The following COL28A1 variants were observed in gnomAD, a reference collection of about 807,000 sequenced individuals.
COL28A1 encodes collagen type XXVIII alpha 1 chain.
In COL28A1, 161 loss-of-function variants were observed where a neutral mutation model predicts 150.2. The ratio of observed to expected loss-of-function variants is 1.07; its 90% CI spans 0.94 to 1.22. COL28A1 has a LOEUF of 1.22. Ranked by LOEUF, COL28A1 falls within the 50% of genes most tolerant of loss-of-function variation. COL28A1 has a pLI of 0.00. For synonymous variants in COL28A1, 552 were observed against 469.7 expected (o/e 1.18, Z -2.26); for missense variants, 1,617 against 1,388.3 (o/e 1.16, Z -2.62).
At chr7:7,471,242 C>T (rs1401287376) in intron 15 of COL28A1, among the ~76,000 whole-genome samples, 3 of 150,582 alleles carry the variant, frequency 2.0e-5, no homozygotes, top group African/African-American at 7.3e-5. Context: ...TTTAAAATTA[C>T]CAACAAAAAA....
At chr7:7,497,282 A>C (rs1780271808) in intron 11 of COL28A1, among the ~76,000 whole-genome samples, 1 of 152,238 alleles carries the variant, frequency 6.6e-6, no homozygotes, top group African/African-American at 2.4e-5. Context: ...TAAAGTTGTC[A>C]AAATGCTTAA....
At chr7:7,542,240 C>T in the COL28A1 span, among the ~76,000 whole-genome samples, 5 of 152,108 alleles carry the variant, frequency 3.3e-5, no homozygotes, top group Non-Finnish European at 7.4e-5. Flanking sequence ...CCCAGCCACT[C>T]AGGAGGCTGA....
intron 15 of COL28A1, among the ~76,000 whole-genome samples, chr7:7,467,969 G>C (rs1273971671): frequency 1.7e-5 from 2 of 118,772 alleles, no homozygotes; most frequent in Non-Finnish European, 3.4e-5. Context: ...TGTGTAGAGG[G>C]AAATTTATAG....
At chr7:7,456,168 T>C (rs1787153454) in intron 15 of COL28A1, 56 bp from the exon 16 acceptor site, 2 of 1,575,084 alleles carry the variant, frequency 1.3e-6, no homozygotes, top group Non-Finnish European at 1.7e-6. Context: ...TATTATTTCA[T>C]ACTTTGCTAA....
At chr7:7,348,191 G>A in the COL28A1 span, among the ~76,000 whole-genome samples, 2 of 152,026 alleles carry the variant, frequency 1.3e-5, no homozygotes, top group East Asian at 1.9e-4. Context: ...TAACTAAGAC[G>A]AGGACAATGA....
intron 15 of COL28A1, among the ~76,000 whole-genome samples, chr7:7,466,299 G>C (rs963404752): frequency 7.0e-6 from 1 of 143,878 alleles, no homozygotes; most frequent in African/African-American, 2.6e-5. Flanking sequence ...CGAGAACTAC[G>C]TGAAGAATGC....
intron 27 of COL28A1, among the ~76,000 whole-genome samples, chr7:7,398,243 A>G (rs181408518): frequency 5.2e-4 from 79 of 152,334 alleles, no homozygotes; most frequent in African/African-American, 1.9e-3. Context: ...AACAAATAAT[A>G]AATATCCAAA....
chr7:7,543,640 T>G, the COL28A1 span, among the ~76,000 whole-genome samples: 1 of 152,110 alleles, frequency 6.6e-6, no homozygotes, highest in Non-Finnish European at 1.5e-5. Context: ...AGGATTTCCA[T>G]CATATAGTTG....
At chr7:7,481,089 T>G (rs1443565347) in intron 13 of COL28A1, among the ~76,000 whole-genome samples, 1 of 152,342 alleles carries the variant, frequency 6.6e-6, no homozygotes, top group East Asian at 1.9e-4. Flanking sequence ...TTTTTACAAA[T>G]AAAAGCAGTC....
intron 17 of COL28A1, among the ~76,000 whole-genome samples, chr7:7,452,877 T>C (rs1413818947): frequency 1.3e-5 from 2 of 152,220 alleles, no homozygotes; most frequent in Non-Finnish European, 1.5e-5. Context: ...CTAAGGTGAA[T>C]AGTCTCAGAG....
chr7:7,463,890 C>G (rs1286618460), intron 15 of COL28A1, among the ~76,000 whole-genome samples: 1 of 152,030 alleles, frequency 6.6e-6, no homozygotes, highest in Non-Finnish European at 1.5e-5. Context: ...AAGAATTCAC[C>G]AACCAATCTG....
chr7:7,490,768 G>A (rs183340549), intron 11 of COL28A1, 122 bp from the exon 12 acceptor site: 14 of 496,482 alleles, frequency 2.8e-5, no homozygotes, highest in Non-Finnish European at 4.6e-5. Context: ...CCTGTACATC[G>A]TGCCTGCCCT....
At chr7:7,383,279 TGTGTGTGTG>T (rs1562512217) in intron 27 of COL28A1, among the ~76,000 whole-genome samples, 7 of 141,376 alleles carry the variant, frequency 5.0e-5, no homozygotes, top group African/African-American at 8.5e-5. Flanking sequence ...TGTGTGTGTG[TGTGTGTGTG>T]TTTTTTTTGA....
chr7:7,364,250 T>C (rs138887958), intron 33 of COL28A1, among the ~76,000 whole-genome samples: 4 of 152,200 alleles, frequency 2.6e-5, no homozygotes, highest in Admixed American at 2.6e-4. Context: ...TATGCCACTT[T>C]GGCACATTGA....
intron 27 of COL28A1, 135 bp from the exon 28 acceptor site, chr7:7,381,747 A>G (rs1781885900): frequency 5.5e-6 from 3 of 549,440 alleles, no homozygotes; most frequent in Non-Finnish European, 9.6e-6. Flanking sequence ...ATATATATAT[A>G]TGTATATAAA....
chr7:7,525,465 G>C (rs758379768), intron 3 of COL28A1, among the ~76,000 whole-genome samples: 16 of 152,184 alleles, frequency 1.1e-4, no homozygotes, highest in Non-Finnish European at 2.2e-4. Context: ...TATAGAATTA[G>C]TACTTTCTTA....
intron 25 of COL28A1, among the ~76,000 whole-genome samples, chr7:7,425,071 T>C (rs535252971): frequency 6.6e-6 from 1 of 151,760 alleles, no homozygotes; most frequent in Non-Finnish European, 1.5e-5. Flanking sequence ...AAAACTATTA[T>C]AATAAATAAT....
chr7:7,502,083 C>T (rs111233915), intron 11 of COL28A1, among the ~76,000 whole-genome samples: 37,842 of 151,942 alleles, frequency 0.25, 4,833 homozygotes, highest in Middle Eastern at 0.32. Flanking sequence ...TTAGTAGAGA[C>T]GGGGTTTCAC....
At chr7:7,402,395 C>T (rs1308779527) in intron 27 of COL28A1, among the ~76,000 whole-genome samples, 1 of 152,156 alleles carries the variant, frequency 6.6e-6, no homozygotes, top group African/African-American at 2.4e-5. Flanking sequence ...CTTACTAGTT[C>T]CCAATCCCAC....
Sources: allele counts gnomAD v4.1 joint callset (sites outside exome capture counted in the v4.1 genomes callset), GRCh38; gene constraint gnomAD v4.1.1; transcripts MANE v1.5; gene names NCBI Gene and HGNC (gene_info 2026-07-23, HGNC 2026-07-21).